DNAH5: variants seen among roughly 807,000 people sequenced by gnomAD.
The protein encoded by DNAH5 is dynein axonemal heavy chain 5.
Under a neutral mutation model 518.2 loss-of-function variants are expected in DNAH5, and 372 were observed. That is an observed-to-expected ratio of 0.72 (90% CI 0.66 to 0.78). The LOEUF is 0.78. DNAH5 is among the 30% of genes least tolerant of loss of function. DNAH5 has a pLI of 0.00. For missense variants in DNAH5, 5,523 were observed against 5,687.0 expected, an observed-to-expected ratio of 0.97 and a Z score of 0.93; for synonymous variants, 2,039 against 2,025.9, an observed-to-expected ratio of 1.01 and a Z score of -0.17.
intron 1 of DNAH5, among the ~76,000 whole-genome samples, chr5:13,937,406 T>C (rs1278691694): frequency 6.6e-6 from 1 of 151,004 alleles, no homozygotes; most frequent in African/African-American, 2.4e-5. Flanking sequence ...CCAGCTGGGA[T>C]TAATGTATTC....
At chr5:13,891,911 C>A (rs138993055) in intron 16 of DNAH5, among the ~76,000 whole-genome samples, 1 of 152,190 alleles carries the variant, frequency 6.6e-6, no homozygotes, top group African/African-American at 2.4e-5. Flanking sequence ...AATGGATATC[C>A]ATCTAAGGGT....
intron 55 of DNAH5, among the ~76,000 whole-genome samples, chr5:13,772,952 A>G (rs1445709117): frequency 1.3e-5 from 2 of 152,346 alleles, no homozygotes; most frequent in Non-Finnish European, 2.9e-5. Context: ...AAAAGAATAA[A>G]TAACACTGAA....
intron 11 of DNAH5, among the ~76,000 whole-genome samples, chr5:13,913,297 A>G (rs1776243859): frequency 6.6e-6 from 1 of 152,108 alleles, no homozygotes; most frequent in African/African-American, 2.4e-5. Context: ...TCACATCTAG[A>G]ATAAAATCAG....
At position 13,755,991 on chromosome 5, in the gene DNAH5, T is replaced by A. The variant is rs144702324; in HGVS notation, c.10420-1653A>T. On this transcript the variant is annotated intron_variant, in intron 61 of 78. Transcript: ENST00000265104. Reference sequence around the variant, plus strand: ...GAAAGAAAGCCGTAAGTTCCGTGAGTTCCCCCCAGCCTGTTGAGGGGAGCA... The same window carrying A: ...GAAAGAAAGCCGTAAGTTCCGTGAGATCCCCCCAGCCTGTTGAGGGGAGCA... 5.8e-3 allele frequency among the ~76,000 whole-genome samples: 887 copies of A among 152,136 alleles called. 6 individuals are homozygous for A. The highest frequency in any genetic ancestry group is 0.02 in the African/African-American group (833 of 41,478).
chr5:13,820,472 G>T lies in DNAH5; in HGVS notation c.6715C>A (p.Pro2239Thr), dbSNP rs112360385. 2 of 1,613,928 alleles carry T rather than the reference G, an allele frequency of 1.2e-6. No homozygotes were observed. Among genetic ancestry groups the T allele is most frequent in the Non-Finnish European group, 1.7e-6 (2 of 1,180,022 alleles). Residue 2239 changes from proline to threonine, a missense_variant, in exon 41 of 79, where the codon CCT becomes ACT. By Grantham distance (38) the Pro-to-Thr change is conservative (BLOSUM62 -1). Transcript: ENST00000265104. The part of the protein sequence containing the change: ...QVEEAGLINH[P>T]PWKLKVIQLF... ...TGGATGACCTTCAGTTTCCAAGGAG[G>T]ATGGTTGATTAAACCAGCTTCTTCA...
At chr5:13,733,748 C>T (rs544679580) in intron 68 of DNAH5, among the ~76,000 whole-genome samples, 10 of 152,008 alleles carry the variant, frequency 6.6e-5, no homozygotes, top group South Asian at 4.2e-4. Flanking sequence ...TATGAAAATG[C>T]ATTTGCATAT....
chr5:13,777,416 T>C, intron 53 of DNAH5, 61 bp from the exon 54 acceptor site: 1 of 1,503,912 alleles, frequency 6.6e-7, no homozygotes, highest in South Asian at 1.1e-5. Context: ...GAAAGAACCT[T>C]GTAACAACGC....
chr5:13,921,463 T>A (rs1777260660), intron 5 of DNAH5, among the ~76,000 whole-genome samples: 2 of 121,334 alleles, frequency 1.6e-5, no homozygotes, highest in South Asian at 6.2e-4. Context: ...TCTCTCTTGC[T>A]CTATCTCTCT....
At chr5:13,980,226 T>A (rs1421214928) in intron 1 of DNAH5, among the ~76,000 whole-genome samples, 1 of 152,014 alleles carries the variant, frequency 6.6e-6, no homozygotes, top group Non-Finnish European at 1.5e-5. Context: ...TCCTTCTCAG[T>A]CTCTCACCCC....
chr5:13,751,262 T>C lies in DNAH5; in HGVS notation c.11029-2A>G. On this transcript the variant is annotated splice_acceptor_variant, in intron 64 of 78. Transcript: ENST00000265104. LOFTEE classifies it high-confidence loss of function. ...TACTTCCTTGTCACCAACTTTCACCTTTTTTATAAAAAGAAATTTAAAAGT... is the reference window on the plus strand; with the variant it reads ...TACTTCCTTGTCACCAACTTTCACCCTTTTTATAAAAAGAAATTTAAAAGT... The C allele has an allele frequency of 6.2e-7, 1 of 1,611,302 alleles. No individual in the cohort carries two copies. Among genetic ancestry groups the C allele is most frequent in the South Asian group, 1.1e-5 (1 of 90,796 alleles).
chr5:13,759,840 G>A (rs1315328764), intron 60 of DNAH5, among the ~76,000 whole-genome samples: 1 of 152,044 alleles, frequency 6.6e-6, no homozygotes, highest in Non-Finnish European at 1.5e-5. Context: ...TGACTAGAAG[G>A]CATATTCTTT....
At chr5:13,839,853 A>G (rs1013641280) in intron 34 of DNAH5, among the ~76,000 whole-genome samples, 3 of 152,224 alleles carry the variant, frequency 2.0e-5, no homozygotes, top group African/African-American at 7.2e-5. Context: ...CTCACCATGA[A>G]ATATAATCTA....
intron 53 of DNAH5, among the ~76,000 whole-genome samples, chr5:13,778,605 A>AGG (rs1338839941): frequency 6.6e-6 from 1 of 151,308 alleles, no homozygotes; most frequent in Non-Finnish European, 1.5e-5. Flanking sequence ...AAAGAGAGAG[A>AGG]GAAAGAAAAA....
Position 13,840,981 on chromosome 5 carries a change from CAG to C in DNAH5, c.5632_5633del (p.Leu1878GlufsTer23). On this transcript the variant is annotated frameshift_variant, in exon 34 of 79. Transcript: ENST00000265104. LOFTEE classifies it high-confidence loss of function. ...NTLIDVTTRD[L>X]SSTERVKYET... ...CGTATTTCACTCGTTCCGTGGAACT[CAG>C]ATCCCTCGTGGTGACGTCTATCAAT... 6.2e-7 allele frequency: 1 copy of C among 1,614,178 alleles called. No individual in the cohort carries two copies. The highest frequency in any genetic ancestry group is 1.1e-5 in the South Asian group (1 of 91,080).
At position 13,727,584 on chromosome 5, in the gene DNAH5, C is replaced by T. The variant is rs762754238; in HGVS notation, c.11956G>A (p.Ala3986Thr). Residue 3986 changes from alanine to threonine, a missense_variant, in exon 70 of 79, where the codon GCC becomes ACC. Ala to Thr is a moderately conservative substitution (Grantham distance 58). This residue lies in a region of DNAH5 where 5,121 missense variants were observed against 5,223.3 expected (regional missense o/e 0.98). Coordinates refer to ENST00000265104, the MANE Select transcript of DNAH5 (RefSeq NM_001369.3). ...ENPEEEPLPN[A>T]YDKSLDCFRR... The stretch of plus-strand genomic sequence containing the variant: ...AAGCAGTCAAGAGATTTATCATAGG[C>T]ATTTGGAAGAGGTTCCTCCTCCGGG... The T allele has an allele frequency of 1.9e-6, 3 of 1,613,822 alleles. No homozygotes were observed. Among genetic ancestry groups the T allele is most frequent in the Non-Finnish European group, 2.5e-6 (3 of 1,179,786 alleles).
chr5:13,793,463 C>A, intron 49 of DNAH5, 52 bp downstream of exon 49: 1 of 1,506,450 alleles, frequency 6.6e-7, no homozygotes, highest in Non-Finnish European at 9.2e-7. Flanking sequence ...AAAAAGGAAC[C>A]CAAGCAGGTG....
chr5:13,888,208 A>C (rs1772695950), intron 17 of DNAH5, among the ~76,000 whole-genome samples: 1 of 152,166 alleles, frequency 6.6e-6, no homozygotes, highest in South Asian at 2.1e-4. Flanking sequence ...CTGAGTTCTG[A>C]ATCACAGCTT....
chr5:13,703,151 C>T (rs1178076015), intron 76 of DNAH5, among the ~76,000 whole-genome samples: 1 of 152,114 alleles, frequency 6.6e-6, no homozygotes, highest in African/African-American at 2.4e-5. Flanking sequence ...TGCCCCCCAC[C>T]CCACACCCTC....
In DNAH5 at chr5:13,708,259, T is replaced by C; in HGVS notation, c.13202A>G (p.Gln4401Arg). 6.2e-7 allele frequency: 1 copy of C among 1,614,180 alleles called. No homozygotes were observed. The change falls in exon 76 of 79, where the codon CAA (glutamine) becomes CGA (arginine). Residue 4401 changes from glutamine (Q) to arginine (R), a missense_variant. Coordinates refer to ENST00000265104, the MANE Select transcript of DNAH5 (RefSeq NM_001369.3). Reference protein sequence around the residue: ...IFLRQEIDRMQRVLSLVRSTL... With the variant: ...IFLRQEIDRMRRVLSLVRSTL... The stretch of plus-strand genomic sequence containing the variant: ...GCTGCGGACAAGGCTGAGTACCCTT[T>C]GCATTCTGTCTATTTCCTGCCTGAG...
Sources: gnomAD v4.1 joint callset for allele counts (sites outside exome capture counted in the v4.1 genomes callset) on GRCh38, gnomAD v4.1.1 for gene constraint, gnomAD v4.1.1 regional missense constraint, MANE v1.5 for transcripts, NCBI Gene and HGNC (gene_info 2026-07-23, HGNC 2026-07-21) for gene names.